PDLIM1: variants seen among roughly 807,000 people sequenced by gnomAD.
The protein encoded by PDLIM1 is PDZ and LIM domain protein 1.
A neutral mutation model predicts 35.2 loss-of-function variants in PDLIM1; 25 were observed. That is an observed-to-expected ratio of 0.71 (90% CI 0.52 to 0.99). PDLIM1 has a LOEUF of 0.99. Among genes scored for constraint, PDLIM1 ranks in the 50% least tolerant of loss-of-function variants. The pLI, the probability that PDLIM1 is intolerant of heterozygous loss-of-function variation, is 0.00. For synonymous variants in PDLIM1, 152 were observed against 154.0 expected (o/e 0.99, Z 0.10); for missense variants, 363 against 415.3 (o/e 0.87, Z 1.09).
Position 95,264,032 on chromosome 10 carries a change from C to CGGTTGT in PDLIM1, c.359_364dup (p.His120_Asn121dup). On this transcript the variant is annotated inframe_insertion, in exon 4 of 7. Transcript: ENST00000329399. ...CGAGGCGGTAAAGGGCATGGCACTT[C>CGGTTGT]GGTTGTGGGCGCTTCCTATGTGCAG... The CGGTTGT allele has an allele frequency of 6.2e-7, 1 of 1,613,658 alleles. No individual in the cohort carries two copies. The highest frequency in any genetic ancestry group is 8.5e-7 in the Non-Finnish European group (1 of 1,179,842).
chr10:95,253,915 C>T lies in PDLIM1; in HGVS notation c.534-6549G>A, dbSNP rs79697076. On this transcript the variant is annotated intron_variant, in intron 4 of 6. Transcript: ENST00000329399. Reference sequence around the variant, plus strand: ...CTTCTTTGAACTCCTGAAATGATGACGCCAGTAAACTGTGATAAGTTATAT... The same window carrying T: ...CTTCTTTGAACTCCTGAAATGATGATGCCAGTAAACTGTGATAAGTTATAT... Among the ~76,000 whole-genome samples the T allele has an allele frequency of 1.8e-4, 28 of 152,048 alleles. No homozygotes were observed. In the East Asian group the frequency reaches 4.4e-3, roughly 24 times the overall value.
intron 1 of PDLIM1, among the ~76,000 whole-genome samples, chr10:95,277,092 G>A (rs1156582429): frequency 6.6e-6 from 1 of 151,910 alleles, no homozygotes; most frequent in African/African-American, 2.4e-5. Flanking sequence ...GCACACGCCT[G>A]TAGTCCCAGC....
chr10:95,262,630 C>T (rs2035374943), intron 4 of PDLIM1, among the ~76,000 whole-genome samples: 5 of 149,600 alleles, frequency 3.3e-5, no homozygotes, highest in South Asian at 2.2e-4. Flanking sequence ...ACTCAGAGCT[C>T]TGCCTCAGTT....
At chr10:95,266,283 T>A (rs759500209) in intron 3 of PDLIM1, among the ~76,000 whole-genome samples, 7 of 152,212 alleles carry the variant, frequency 4.6e-5, no homozygotes, top group Non-Finnish European at 7.3e-5. Flanking sequence ...GTAAATTTTA[T>A]GGCACAGCTA....
intron 5 of PDLIM1, among the ~76,000 whole-genome samples, chr10:95,244,196 G>T (rs2035200524): frequency 6.6e-6 from 1 of 152,102 alleles, no homozygotes. Flanking sequence ...TGAAGGTGAG[G>T]AACCAAGGGC....
intron 3 of PDLIM1, among the ~76,000 whole-genome samples, chr10:95,265,810 G>A (rs1213598310): frequency 6.6e-6 from 1 of 152,054 alleles, no homozygotes; most frequent in East Asian, 1.9e-4. Flanking sequence ...GCTGAGGCAG[G>A]AGGATCATGT....
In PDLIM1 at chr10:95,268,840, G is replaced by C; in HGVS notation, c.271C>G (p.Pro91Ala). The C allele has an allele frequency of 6.2e-7, 1 of 1,612,250 alleles. No individual in the cohort carries two copies. Among genetic ancestry groups the C allele is most frequent in the Non-Finnish European group, 8.5e-7 (1 of 1,178,264 alleles). The change falls in exon 3 of 7, where the codon CCT (proline) becomes GCT (alanine). Residue 91 changes from proline to alanine, a missense_variant. Physicochemically the swap from Pro to Ala is conservative, Grantham distance 27. Coordinates refer to ENST00000329399, the MANE Select transcript of PDLIM1 (RefSeq NM_020992.4). The part of the protein sequence containing the change: ...VARSEHKVWS[P>A]LVTEEGKRHP... ...CGCTTCCCTTCCTCCGTCACCAGAGGAGACCAGACTTTATGTTCAGATCTG... is the reference window on the plus strand; with the variant it reads ...CGCTTCCCTTCCTCCGTCACCAGAGCAGACCAGACTTTATGTTCAGATCTG...
chr10:95,277,374 C>T (rs1409957834), intron 1 of PDLIM1, among the ~76,000 whole-genome samples: 3 of 152,042 alleles, frequency 2.0e-5, no homozygotes, highest in Non-Finnish European at 2.9e-5. Flanking sequence ...AATCCCAGCA[C>T]TTTGAGAGGC....
At chr10:95,276,412 C>A (rs1415667778) in intron 1 of PDLIM1, among the ~76,000 whole-genome samples, 7 of 152,134 alleles carry the variant, frequency 4.6e-5, no homozygotes, top group Non-Finnish European at 7.4e-5. Flanking sequence ...ACAGTCACTC[C>A]CCTGCCCTGT....
At chr10:95,245,220 G>C (rs2035209712) in intron 5 of PDLIM1, among the ~76,000 whole-genome samples, 1 of 152,194 alleles carries the variant, frequency 6.6e-6, no homozygotes, top group Non-Finnish European at 1.5e-5. Context: ...TGGAAGAGTA[G>C]TGTGGGACTT....
intron 4 of PDLIM1, among the ~76,000 whole-genome samples, chr10:95,259,687 C>T (rs1250639705): frequency 6.6e-6 from 1 of 152,238 alleles, no homozygotes. Context: ...TAGAGGTGTA[C>T]TTCTGATTCA....
intron 4 of PDLIM1, among the ~76,000 whole-genome samples, chr10:95,251,679 C>G (rs2035269241): frequency 6.6e-6 from 1 of 152,154 alleles, no homozygotes; most frequent in African/African-American, 2.4e-5. Context: ...TGAAAGCATC[C>G]AGACAGGAGA....
intron 4 of PDLIM1, among the ~76,000 whole-genome samples, chr10:95,251,404 T>A (rs974263760): frequency 2.6e-5 from 4 of 152,008 alleles, no homozygotes; most frequent in East Asian, 1.9e-4. Context: ...GAAACTCCTA[T>A]CTCTACTAAA....
chr10:95,250,965 G>A (rs1407516889), intron 4 of PDLIM1, among the ~76,000 whole-genome samples: 9 of 152,222 alleles, frequency 5.9e-5, no homozygotes, highest in African/African-American at 1.7e-4. Context: ...ACAGCCAGGC[G>A]TAGGAGGATC....
intron 5 of PDLIM1, among the ~76,000 whole-genome samples, chr10:95,243,160 A>T (rs1435879121): frequency 6.6e-6 from 1 of 152,136 alleles, no homozygotes; most frequent in East Asian, 1.9e-4. Context: ...AGCTTGGGGG[A>T]GAAGGCTGCC....
intron 1 of PDLIM1, among the ~76,000 whole-genome samples, chr10:95,288,554 G>GT (rs11385391): frequency 0.75 from 111,658 of 149,090 alleles, 41,700 homozygotes; most frequent in Middle Eastern, 0.87. Context: ...CACTGCAGAG[G>GT]TTTTTTTTTT....
At chr10:95,244,967 A>G (rs567221989) in intron 5 of PDLIM1, among the ~76,000 whole-genome samples, 26 of 152,300 alleles carry the variant, frequency 1.7e-4, no homozygotes, top group Non-Finnish European at 8.8e-5. Context: ...CTGCATGTAA[A>G]GAATGTTTAG....
intron 4 of PDLIM1, among the ~76,000 whole-genome samples, chr10:95,262,719 T>C (rs1224570062): frequency 1.3e-5 from 2 of 151,520 alleles, no homozygotes; most frequent in African/African-American, 4.8e-5. Flanking sequence ...CTACAGAGAA[T>C]TGGCCCCATC....
At chr10:95,277,017 C>T (rs2035518136) in intron 1 of PDLIM1, among the ~76,000 whole-genome samples, 1 of 151,124 alleles carries the variant, frequency 6.6e-6, no homozygotes. Flanking sequence ...AGTTCGAGAC[C>T]AACCTGGGCA....
Sources: allele counts gnomAD v4.1 joint callset (sites outside exome capture counted in the v4.1 genomes callset), GRCh38; gene constraint gnomAD v4.1.1; transcripts MANE v1.5; gene names NCBI Gene and HGNC (gene_info 2026-07-23, HGNC 2026-07-21).